ZCCHC2: variants seen among roughly 807,000 people sequenced by gnomAD.
ZCCHC2 encodes zinc finger CCHC domain-containing protein 2.
Under a neutral mutation model 103.6 loss-of-function variants are expected in ZCCHC2, and 39 were observed. The ratio of observed to expected loss-of-function variants is 0.38; its 90% CI spans 0.29 to 0.49. ZCCHC2 has a LOEUF of 0.49. Ranked by LOEUF, ZCCHC2 falls within the 20% of genes least tolerant of loss-of-function variation. The pLI is 0.96. For synonymous variants in ZCCHC2, 687 were observed against 608.9 expected (o/e 1.13, Z -1.89); for missense variants, 1,483 against 1,491.0 (o/e 0.99, Z 0.09).
chr18:62,539,279 C>A (rs2145494740), intron 1 of ZCCHC2, among the ~76,000 whole-genome samples: 1 of 152,278 alleles, frequency 6.6e-6, no homozygotes. Context: ...CCTAATAAAG[C>A]ATCTTTTTAG....
chr18:62,534,663 G>A (rs951825382), intron 1 of ZCCHC2, among the ~76,000 whole-genome samples: 2 of 152,182 alleles, frequency 1.3e-5, no homozygotes, highest in Non-Finnish European at 2.9e-5. Context: ...GATGTGTCCC[G>A]TAGTACAGTT....
intron 1 of ZCCHC2, among the ~76,000 whole-genome samples, chr18:62,529,015 C>T (rs1351327935): frequency 1.3e-5 from 2 of 152,020 alleles, no homozygotes; most frequent in Non-Finnish European, 2.9e-5. Flanking sequence ...TAAAAATTAG[C>T]TGGGCGTGGT....
chr18:62,525,508 G>GTA (rs34009490), intron 1 of ZCCHC2: 31,523 of 151,880 alleles, frequency 0.21, 3,734 homozygotes, highest in Non-Finnish European at 0.28. Context: ...CGTTAATTCA[G>GTA]TATATATATA....
intron 3 of ZCCHC2, among the ~76,000 whole-genome samples, chr18:62,544,108 T>G (rs1915313799): frequency 6.6e-6 from 1 of 152,112 alleles, no homozygotes; most frequent in Non-Finnish European, 1.5e-5. Context: ...GGGTAGAAAT[T>G]TTTAGGGGGC....
At chr18:62,525,590 C>G (rs1435414598) in intron 1 of ZCCHC2, 4 of 152,128 alleles carry the variant, frequency 2.6e-5, no homozygotes, top group Admixed American at 6.5e-5. Context: ...GGACTCAGTA[C>G]CCGTGGAATC....
intron 4 of ZCCHC2, among the ~76,000 whole-genome samples, chr18:62,547,557 T>TTTTTC (rs1177910876): frequency 4.6e-5 from 7 of 151,618 alleles, no homozygotes; most frequent in Non-Finnish European, 1.0e-4. Context: ...TTGTTTTTTT[T>TTTTTC]TTTTCTTTTC....
At chr18:62,544,971 G>A in intron 4 of ZCCHC2, 98 bp downstream of exon 4, 1 of 983,686 alleles carries the variant, frequency 1.0e-6, no homozygotes, top group Non-Finnish European at 1.4e-6. Context: ...AAAACATACA[G>A]ATAAAGGTTG....
chr18:62,564,997 T>C lies in ZCCHC2; in HGVS notation c.1752-5T>C. On this transcript the variant is annotated splice_region_variant and splice_polypyrimidine_tract_variant and intron_variant, in intron 10 of 13. Transcript: ENST00000269499. ...AAATGTTGGCAATATGTTCATTTGG[T>C]TTAGGGAGAAAATTAAGAAAACTGA... is the stretch of plus-strand genomic sequence containing the variant. The C allele has an allele frequency of 1.9e-6, 3 of 1,598,616 alleles. No individual in the cohort carries two copies. The highest frequency in any genetic ancestry group is 2.6e-6 in the Non-Finnish European group (3 of 1,166,296).
At chr18:62,529,563 T>A (rs1914594057) in intron 1 of ZCCHC2, among the ~76,000 whole-genome samples, 1 of 152,196 alleles carries the variant, frequency 6.6e-6, no homozygotes, top group Non-Finnish European at 1.5e-5. Context: ...TAAAAGCAGT[T>A]CAGTTATAAA....
At position 62,523,573 on chromosome 18, in the gene ZCCHC2, C is replaced by CGCT; in HGVS notation, c.149_150insGCT (p.Pro50_Ala51insLeu). 3.1e-6 allele frequency: 3 copies of CGCT among 961,490 alleles called. No homozygotes were observed. The highest frequency in any genetic ancestry group is 2.5e-6 in the Non-Finnish European group (2 of 812,274). The allele number at this position is 961,490 out of a possible 1,614,324, so 59.6% of individuals were successfully genotyped here. Reference sequence around the variant, plus strand: ...CGCCCCCCGCCGCCGCCGCCGCCGCCCGCGGGCCCGTCGCGGGGCCCTCTG... The same window carrying CGCT: ...CGCCCCCCGCCGCCGCCGCCGCCGCCGCTCGCGGGCCCGTCGCGGGGCCCTCTG... On this transcript the variant is annotated inframe_insertion, in exon 1 of 14. Coordinates refer to ENST00000269499, the MANE Select transcript of ZCCHC2 (RefSeq NM_017742.6).
chr18:62,548,206 T>A (rs1350879888), intron 4 of ZCCHC2, among the ~76,000 whole-genome samples: 2 of 151,984 alleles, frequency 1.3e-5, no homozygotes, highest in Non-Finnish European at 2.9e-5. Context: ...GTGAGAAAAT[T>A]CAAAACACGT....
chr18:62,532,078 GT>G (rs1247720083), intron 1 of ZCCHC2, among the ~76,000 whole-genome samples: 1 of 152,242 alleles, frequency 6.6e-6, no homozygotes, highest in Non-Finnish European at 1.5e-5. Flanking sequence ...AAAATAATAG[GT>G]TGTCAGTAGG....
intron 2 of ZCCHC2, 57 bp downstream of exon 2, chr18:62,539,849 C>A: frequency 1.5e-6 from 2 of 1,335,424 alleles, no homozygotes; most frequent in South Asian, 1.3e-5. Context: ...TTACAGGGTG[C>A]TCTTTACGCT....
chr18:62,556,648 C>G (rs1453320890), intron 6 of ZCCHC2, among the ~76,000 whole-genome samples: 1 of 151,960 alleles, frequency 6.6e-6, no homozygotes, highest in African/African-American at 2.4e-5. Context: ...CACCTGTTCC[C>G]AATTGACCTT....
chr18:62,543,453 A>C (rs1915285354), intron 3 of ZCCHC2, among the ~76,000 whole-genome samples: 1 of 152,174 alleles, frequency 6.6e-6, no homozygotes, highest in Non-Finnish European at 1.5e-5. Flanking sequence ...TTAAGGGAGA[A>C]AGATCCTCAG....
intron 1 of ZCCHC2, among the ~76,000 whole-genome samples, chr18:62,532,144 C>G (rs1914708766): frequency 6.6e-6 from 1 of 152,206 alleles, no homozygotes; most frequent in Non-Finnish European, 1.5e-5. Context: ...CACGTGCGCC[C>G]TTATGGTGTA....
At chr18:62,579,879 C>T (rs866412788), downstream of ZCCHC2, among the ~76,000 whole-genome samples, 5 of 151,658 alleles carry the variant, frequency 3.3e-5, no homozygotes, top group African/African-American at 4.9e-5. Context: ...TCTACCACCA[C>T]GCCCAGCCAA....
At chr18:62,584,872 G>C (rs1358440659) in exon 15 of ZCCHC2, 1 of 152,292 alleles carries the variant, frequency 6.6e-6, no homozygotes, top group Non-Finnish European at 1.5e-5. Context: ...TCAGGCCTCT[G>C]CTTGAAGTTG....
intron 1 of ZCCHC2, among the ~76,000 whole-genome samples, chr18:62,533,588 T>G (rs1914788624): frequency 6.6e-6 from 1 of 151,658 alleles, no homozygotes; most frequent in South Asian, 2.1e-4. Context: ...ATATCGAGGC[T>G]GGGCACAGTG....
Sources: allele counts gnomAD v4.1 joint callset (sites outside exome capture counted in the v4.1 genomes callset), GRCh38; gene constraint gnomAD v4.1.1; transcripts MANE v1.5; gene names NCBI Gene and HGNC (gene_info 2026-07-23, HGNC 2026-07-21).